Variants in GRAMD4 observed in about 807,000 individuals in gnomAD.
The protein encoded by GRAMD4 is GRAM domain-containing protein 4.
A neutral mutation model predicts 83.9 loss-of-function variants in GRAMD4; 25 were observed. The observed-to-expected ratio is 0.30, with a 90% confidence interval of 0.22 to 0.42. The LOEUF (loss-of-function observed/expected upper bound fraction) is 0.42, where lower values mean the gene tolerates loss of function less well. Among genes scored for constraint, GRAMD4 ranks in the 10% least tolerant of loss-of-function variants. The probability of loss-of-function intolerance (pLI) is 1.00; values close to 1 mark genes in which losing one functional copy is unlikely to be tolerated. For missense variants in GRAMD4, 593 were observed against 788.7 expected, an observed-to-expected ratio of 0.75 and a Z score of 2.97; for synonymous variants, 336 against 320.9, an observed-to-expected ratio of 1.05 and a Z score of -0.50.
chr22:46,666,737 C>T lies in GRAMD4; in HGVS notation c.810-88C>T, dbSNP rs554195591. 917 of 1,147,982 alleles carry T rather than the reference C, an allele frequency of 8.0e-4. 13 individuals are homozygous for T. The South Asian group carries it at 0.011, about 13-fold the overall frequency. 71.1% of individuals were successfully genotyped at this position (1,147,982 alleles called of 1,614,324 possible). ...GACCTAGAAGGGCCCCCTCCAAGCCCAGCTGGGCGTGCAGGGCCAGCGATT... is the reference window on the plus strand; with the variant it reads ...GACCTAGAAGGGCCCCCTCCAAGCCTAGCTGGGCGTGCAGGGCCAGCGATT... On this transcript the variant is annotated intron_variant, in intron 9 of 18. Coordinates refer to ENST00000406902, the MANE Select transcript of GRAMD4 (RefSeq NM_015124.5).
At chr22:46,577,920 G>A (rs1474521744) in intron 1 of GRAMD4, among the ~76,000 whole-genome samples, 9 of 152,206 alleles carry the variant, frequency 5.9e-5, no homozygotes, top group Non-Finnish European at 1.0e-4. Flanking sequence ...ACCCCGGCCC[G>A]AGGCCCCACA....
At chr22:46,592,295 C>T (rs1046720509) in intron 1 of GRAMD4, among the ~76,000 whole-genome samples, 2 of 152,148 alleles carry the variant, frequency 1.3e-5, no homozygotes, top group African/African-American at 4.8e-5. Context: ...TTTTAAATAA[C>T]TGACTGCTTA....
At chr22:46,669,578 TC>T (rs200281363) in intron 13 of GRAMD4, among the ~76,000 whole-genome samples, 2 of 147,512 alleles carry the variant, frequency 1.4e-5, no homozygotes. Flanking sequence ...TCTCTCTCTC[TC>T]TTTTTTTTTT....
At chr22:46,595,500 AT>A (rs879304178) in intron 1 of GRAMD4, among the ~76,000 whole-genome samples, 1 of 152,206 alleles carries the variant, frequency 6.6e-6, no homozygotes, top group Non-Finnish European at 1.5e-5. Context: ...GGTGGTCAGT[AT>A]GGGCACAGAG....
In GRAMD4 at chr22:46,612,849, C is replaced by T. The variant is rs144128865; in HGVS notation, c.-49-13902C>T. On this transcript the variant is annotated intron_variant, in intron 1 of 1. Transcript: ENST00000431155. ...TGCTGCGCCTTCCCTGACGCGGTCTCCTGCTTCCCGGGGCCCCCAGGCTGA... is the reference window on the plus strand; with the variant it reads ...TGCTGCGCCTTCCCTGACGCGGTCTTCTGCTTCCCGGGGCCCCCAGGCTGA... 3.6e-3 allele frequency among the ~76,000 whole-genome samples: 541 copies of T among 152,334 alleles called. 2 individuals carry two copies. The highest frequency in any genetic ancestry group is 0.012 in the African/African-American group (507 of 41,572).
At chr22:46,643,357 A>G (rs1001153271) in intron 3 of GRAMD4, among the ~76,000 whole-genome samples, 1 of 149,222 alleles carries the variant, frequency 6.7e-6, no homozygotes, top group Non-Finnish European at 1.5e-5. Context: ...CCATCCATCT[A>G]TTTATCCATC....
chr22:46,630,947 G>T (rs144323393), intron 2 of GRAMD4, among the ~76,000 whole-genome samples: 1 of 149,192 alleles, frequency 6.7e-6, no homozygotes, highest in Non-Finnish European at 1.5e-5. Context: ...CCCTCACCCC[G>T]GCCTCTGCAG....
chr22:46,611,858 A>G (rs138511), intron 1 of GRAMD4, among the ~76,000 whole-genome samples: 118,996 of 149,472 alleles, frequency 0.8, 48,082 homozygotes, highest in East Asian at 1. Flanking sequence ...TTAGCCGGGC[A>G]TGGTGGGGGG....
chr22:46,662,043 T>C (rs551771391), intron 5 of GRAMD4, among the ~76,000 whole-genome samples: 10 of 152,210 alleles, frequency 6.6e-5, no homozygotes, highest in Non-Finnish European at 1.3e-4. Context: ...GAGAACGTAA[T>C]ATAAACCTGA....
chr22:46,604,665 C>T (rs532536646), intron 1 of GRAMD4, among the ~76,000 whole-genome samples: 61 of 152,372 alleles, frequency 4.0e-4, no homozygotes, highest in Middle Eastern at 6.8e-3. Context: ...ATGACTTCCT[C>T]CTTTCACAAA....
intron 3 of GRAMD4, among the ~76,000 whole-genome samples, chr22:46,652,161 C>T (rs906489086): frequency 3.3e-5 from 5 of 152,168 alleles, no homozygotes; most frequent in Non-Finnish European, 4.4e-5. Flanking sequence ...GATGAGTCGC[C>T]GACCTTTGGT....
intron 1 of GRAMD4, among the ~76,000 whole-genome samples, chr22:46,596,178 C>G (rs1032221188): frequency 1.3e-5 from 2 of 152,246 alleles, no homozygotes; most frequent in African/African-American, 4.8e-5. Context: ...ACCATGAGGA[C>G]AAGGACTAGC....
At chr22:46,624,921 C>T (rs905976895) in intron 1 of GRAMD4, among the ~76,000 whole-genome samples, 6 of 146,508 alleles carry the variant, frequency 4.1e-5, no homozygotes, top group African/African-American at 1.3e-4. Flanking sequence ...AGTGCAGTGG[C>T]GGGATCTCAG....
intron 1 of GRAMD4, among the ~76,000 whole-genome samples, chr22:46,586,820 C>T (rs1569245509): frequency 6.6e-6 from 1 of 152,152 alleles, no homozygotes; most frequent in Non-Finnish European, 1.5e-5. Context: ...TGCCCTGCAG[C>T]TGATGAGGAG....
intron 2 of GRAMD4, among the ~76,000 whole-genome samples, chr22:46,636,301 G>A (rs2081887097): frequency 1.3e-5 from 2 of 152,226 alleles, no homozygotes; most frequent in Non-Finnish European, 2.9e-5. Flanking sequence ...TTCCTCATCT[G>A]TCAGTGCTGG....
chr22:46,675,893 G>A (rs895592514), intron 17 of GRAMD4, among the ~76,000 whole-genome samples: 6 of 152,236 alleles, frequency 3.9e-5, no homozygotes, highest in African/African-American at 1.2e-4. Context: ...CCCCTGCCTC[G>A]GATGCAGGTT....
chr22:46,594,972 G>A (rs552283174), intron 1 of GRAMD4, among the ~76,000 whole-genome samples: 5 of 152,266 alleles, frequency 3.3e-5, no homozygotes, highest in South Asian at 2.1e-4. Flanking sequence ...GACTGCACCA[G>A]GTTTGTTTCT....
At chr22:46,650,339 G>A (rs1269002777) in intron 3 of GRAMD4, among the ~76,000 whole-genome samples, 1 of 150,096 alleles carries the variant, frequency 6.7e-6, no homozygotes. Flanking sequence ...GCTGCGTGTC[G>A]AGGCTGGGTG....
chr22:46,582,886 C>A (rs2081111914), intron 1 of GRAMD4, among the ~76,000 whole-genome samples: 2 of 152,200 alleles, frequency 1.3e-5, no homozygotes, highest in Non-Finnish European at 2.9e-5. Context: ...TTTAGGCACT[C>A]CCTGGACCCT....
Sources: gnomAD v4.1 joint callset for allele counts (sites outside exome capture counted in the v4.1 genomes callset) on GRCh38, gnomAD v4.1.1 for gene constraint, MANE v1.5 for transcripts, NCBI Gene and HGNC (gene_info 2026-07-23, HGNC 2026-07-21) for gene names.